The following SRBD1 variants were observed in gnomAD, a reference collection of about 807,000 sequenced individuals.
SRBD1 encodes the protein S1 RNA binding domain 1.
In SRBD1, 88 loss-of-function variants were observed where a neutral mutation model predicts 115.3. The observed-to-expected ratio is 0.76, with a 90% CI of 0.64 to 0.91. The LOEUF (loss-of-function observed/expected upper bound fraction) is 0.91, where lower values mean the gene tolerates loss of function less well. Ranked by LOEUF, SRBD1 falls within the 40% of genes least tolerant of loss-of-function variation. The pLI, the probability that SRBD1 is intolerant of heterozygous loss-of-function variation, is 0.00. For synonymous variants in SRBD1, 509 were observed against 407.7 expected, an observed-to-expected ratio of 1.25 and a Z score of -2.99; for missense variants, 1,385 against 1,177.4, an observed-to-expected ratio of 1.18 and a Z score of -2.58.
intron 5 of SRBD1, among the ~76,000 whole-genome samples, chr2:45,583,080 C>A (rs1325527173): frequency 6.6e-6 from 1 of 152,062 alleles, no homozygotes; most frequent in Admixed American, 6.6e-5. Flanking sequence ...TGCTTCTCAT[C>A]CTATTGTATT....
At chr2:45,458,255 T>G (rs1379293180) in intron 16 of SRBD1, among the ~76,000 whole-genome samples, 2 of 152,084 alleles carry the variant, frequency 1.3e-5, no homozygotes, top group Non-Finnish European at 2.9e-5. Flanking sequence ...AGAGAAGCTG[T>G]GACCTGAGCG....
intron 17 of SRBD1, 23 bp downstream of exon 17, chr2:45,419,765 C>A: frequency 6.2e-7 from 1 of 1,606,044 alleles, no homozygotes; most frequent in Non-Finnish European, 8.5e-7. Flanking sequence ...ATTCTGTGAT[C>A]TTCAGCCACA....
chr2:45,493,691 G>C (rs1273241193), intron 14 of SRBD1, among the ~76,000 whole-genome samples: 2 of 151,828 alleles, frequency 1.3e-5, no homozygotes, highest in Non-Finnish European at 2.9e-5. Flanking sequence ...GTACATGCCT[G>C]TAATCCCAGC....
Position 45,517,368 on chromosome 2 carries a change from G to A in SRBD1, c.1875-29037C>T, listed in dbSNP as rs1346942641. ...CAATTAGAACTCAACTTTTACATAA[G>A]TGAGTTCATTATAACATGTTGTGGT... On this transcript the variant is annotated intron_variant, in intron 14 of 20. Transcript: ENST00000263736. 2.0e-5 allele frequency among the ~76,000 whole-genome samples: 3 copies of A among 152,240 alleles called. No individual in the cohort carries two copies. The East Asian group carries it at 5.8e-4, about 29-fold the overall frequency.
chr2:45,463,696 A>G (rs1669394998), intron 16 of SRBD1, among the ~76,000 whole-genome samples: 1 of 152,226 alleles, frequency 6.6e-6, no homozygotes, highest in Non-Finnish European at 1.5e-5. Flanking sequence ...ATGGTTATCC[A>G]CATATAATTA....
intron 16 of SRBD1, among the ~76,000 whole-genome samples, chr2:45,458,438 T>A (rs891332285): frequency 2.6e-5 from 4 of 152,118 alleles, no homozygotes; most frequent in African/African-American, 9.7e-5. Flanking sequence ...CTAAATTAAG[T>A]CTCTTTAGAG....
intron 14 of SRBD1, among the ~76,000 whole-genome samples, chr2:45,538,328 C>T (rs146005472): frequency 6.8e-4 from 104 of 152,248 alleles, no homozygotes; most frequent in African/African-American, 2.4e-3. Context: ...TTTTCCCATG[C>T]TACTCCACTC....
intron 20 of SRBD1, among the ~76,000 whole-genome samples, chr2:45,392,518 G>C (rs1403484492): frequency 6.6e-6 from 1 of 152,108 alleles, no homozygotes; most frequent in African/African-American, 2.4e-5. Flanking sequence ...TTGTTCAATG[G>C]GTTCATTGAC....
intron 19 of SRBD1, among the ~76,000 whole-genome samples, chr2:45,394,430 AATCAG>A: frequency 6.6e-6 from 1 of 152,320 alleles, no homozygotes; most frequent in Admixed American, 6.5e-5. Flanking sequence ...TCAACACAGT[AATCAG>A]GCAGATAGTG....
chr2:45,496,971 T>C (rs1312416555), intron 14 of SRBD1, among the ~76,000 whole-genome samples: 2 of 152,162 alleles, frequency 1.3e-5, no homozygotes, highest in Non-Finnish European at 2.9e-5. Context: ...CTAATCATAG[T>C]TTTTAAAGTA....
intron 10 of SRBD1, among the ~76,000 whole-genome samples, chr2:45,559,383 A>G (rs1020431228): frequency 5.3e-5 from 8 of 152,064 alleles, no homozygotes; most frequent in Non-Finnish European, 1.2e-4. Context: ...TTCTCCTTCT[A>G]TCTCCAACCT....
At chr2:45,407,014 A>G (rs1667456852) in intron 19 of SRBD1, among the ~76,000 whole-genome samples, 1 of 152,190 alleles carries the variant, frequency 6.6e-6, no homozygotes, top group South Asian at 2.1e-4. Flanking sequence ...GCTGCAAGCT[A>G]GCTTTTTCAT....
chr2:45,445,725 T>C (rs922342495), intron 16 of SRBD1, among the ~76,000 whole-genome samples: 1 of 152,142 alleles, frequency 6.6e-6, no homozygotes, highest in Non-Finnish European at 1.5e-5. Context: ...TAGCTATTAC[T>C]AAGAGTCATA....
chr2:45,529,906 T>C (rs148423406), intron 14 of SRBD1, among the ~76,000 whole-genome samples: 39 of 152,162 alleles, frequency 2.6e-4, no homozygotes, highest in African/African-American at 9.1e-4. Flanking sequence ...CCTCAAATTT[T>C]TGGTGATACC....
chr2:45,520,080 A>G (rs920459861), intron 14 of SRBD1, among the ~76,000 whole-genome samples: 1 of 152,182 alleles, frequency 6.6e-6, no homozygotes, highest in Non-Finnish European at 1.5e-5. Context: ...GGACAAAAGT[A>G]AAAAAATAGA....
intron 14 of SRBD1, among the ~76,000 whole-genome samples, chr2:45,501,651 C>A (rs1002891089): frequency 1.8e-4 from 27 of 152,220 alleles, no homozygotes; most frequent in African/African-American, 4.3e-4. Flanking sequence ...TATCCCACGC[C>A]TGGCTCGGAG....
At chr2:45,554,627 G>A (rs143559133) in intron 10 of SRBD1, among the ~76,000 whole-genome samples, 220 of 152,268 alleles carry the variant, frequency 1.4e-3, no homozygotes, top group African/African-American at 5.1e-3. Context: ...GAATAGAAGA[G>A]AAAATCACAA....
At chr2:45,581,648 C>CAA (rs747621134) in intron 6 of SRBD1, 45 bp downstream of exon 6, 12 of 1,446,986 alleles carry the variant, frequency 8.3e-6, no homozygotes, top group Non-Finnish European at 1.0e-5. Flanking sequence ...ACCCAAATTG[C>CAA]AATATATTCA....
At chr2:45,410,252 A>G (rs1001548610) in intron 19 of SRBD1, among the ~76,000 whole-genome samples, 1 of 152,226 alleles carries the variant, frequency 6.6e-6, no homozygotes, top group African/African-American at 2.4e-5. Flanking sequence ...ATGTCACATG[A>G]CAAAAATGCA....
Sources: allele counts gnomAD v4.1 joint callset (sites outside exome capture counted in the v4.1 genomes callset), GRCh38; gene constraint gnomAD v4.1.1; transcripts MANE v1.5; gene names NCBI Gene and HGNC (gene_info 2026-07-23, HGNC 2026-07-21).